The following WRAP53 variants were observed in gnomAD, a reference collection of about 807,000 sequenced individuals.
WRAP53 encodes the protein WD repeat containing antisense to TP53, also known as telomerase Cajal body protein 1.
A neutral mutation model predicts 56.6 loss-of-function variants in WRAP53; 28 were observed. The ratio of observed to expected loss-of-function variants is 0.50; its 90% CI spans 0.37 to 0.68. WRAP53 has a LOEUF of 0.68. Among genes scored for constraint, WRAP53 ranks in the 30% least tolerant of loss-of-function variants. The probability of loss-of-function intolerance (pLI) is 0.00; values close to 1 mark genes in which losing one functional copy is unlikely to be tolerated. For missense variants in WRAP53, 671 were observed against 715.5 expected, an observed-to-expected ratio of 0.94 and a Z score of 0.71; for synonymous variants, 283 against 283.4, an observed-to-expected ratio of 1.00 and a Z score of 0.01.
intron 5 of WRAP53, 81 bp downstream of exon 5, chr17:7,700,910 G>A: frequency 9.3e-7 from 1 of 1,070,270 alleles, no homozygotes; most frequent in Admixed American, 1.7e-5. Flanking sequence ...AGGGCTGCCA[G>A]GGGTCTTTGG....
intron 4 of WRAP53, among the ~76,000 whole-genome samples, chr17:7,695,443 C>T (rs79784734): frequency 0.018 from 2,768 of 152,248 alleles, 155 homozygotes; most frequent in Admixed American, 0.1. Flanking sequence ...TGAGTACTTG[C>T]CCTGCCCCGT....
chr17:7,700,720 C>A, intron 4 of WRAP53, 21 bp from the exon 5 acceptor site: 9 of 1,586,400 alleles, frequency 5.7e-6, no homozygotes. Context: ...GTGACTCAGC[C>A]ATTCCCCCGT....
chr17:7,691,142 G>A (rs1328503700), intron 4 of WRAP53, among the ~76,000 whole-genome samples: 1 of 151,764 alleles, frequency 6.6e-6, no homozygotes, highest in Non-Finnish European at 1.5e-5. Flanking sequence ...CCAGGAGATG[G>A]AGGTTGCAGT....
chr17:7,702,111 C>G lies in WRAP53; in HGVS notation c.956-233C>G. ...TCCTGTAGGCCTTCAACTTGCATCTCTCCAAGGAAGAACTGGGATTTGAGA... is the reference window on the plus strand; with the variant it reads ...TCCTGTAGGCCTTCAACTTGCATCTGTCCAAGGAAGAACTGGGATTTGAGA... On this transcript the variant is annotated intron_variant, in intron 7 of 10. Transcript: ENST00000396463. This position sits in a 1 kb window ranked among gnomAD's most constrained non-coding sequence, Gnocchi z 5.0. 1 of 697,738 alleles carries G rather than the reference C, an allele frequency of 1.4e-6. No individual in the cohort carries two copies. Among genetic ancestry groups the G allele is most frequent in the Non-Finnish European group, 2.5e-6 (1 of 395,316 alleles). The allele number at this position is 697,738 out of a possible 1,614,324, so 43.2% of individuals were successfully genotyped here.
intron 4 of WRAP53, among the ~76,000 whole-genome samples, chr17:7,699,438 AT>A (rs1203937421): frequency 2.3e-5 from 2 of 85,192 alleles, no homozygotes; most frequent in African/African-American, 1.2e-4. Flanking sequence ...AAAAAAAAAA[AT>A]TTATATATAT....
At chr17:7,687,238 CT>C (rs2074017007), upstream of WRAP53, 1 of 397,918 alleles carries the variant, frequency 2.5e-6, no homozygotes, top group African/African-American at 2.1e-5. Flanking sequence ...TCTAGCCAAG[CT>C]TCCATCCCAC....
rs575423577 is a variant in WRAP53 at position 7,695,457 on chromosome 17, T to C, written c.643-5284T>C. Among the ~76,000 whole-genome samples, 47 of 152,200 alleles carry C rather than the reference T, an allele frequency of 3.1e-4. No homozygotes were observed. In the South Asian group the frequency reaches 8.7e-3, roughly 28 times the overall value. On this transcript the variant is annotated intron_variant, in intron 4 of 10. Transcript: ENST00000396463. ...CTGAGTACTTGCCCTGCCCCGTGGG[T>C]CTTGCAGGAAGCCTTTACTCCTCGT...
Position 7,701,685 on chromosome 17 carries a change from G to A in WRAP53, c.851G>A (p.Cys284Tyr). 1 of 1,614,230 alleles carries A rather than the reference G, an allele frequency of 6.2e-7. No homozygotes were observed. The highest frequency in any genetic ancestry group is 1.1e-5 in the South Asian group (1 of 91,082). ...GAGCTGACGGCAGCCCATTCGCTCTGCTTCTCCCCGGATGGCTCCCAGCTC... is the reference window on the plus strand; with the variant it reads ...GAGCTGACGGCAGCCCATTCGCTCTACTTCTCCCCGGATGGCTCCCAGCTC... ...LDELTAAHSLCFSPDGSQLFC... is the reference protein window; with the variant it reads ...LDELTAAHSLYFSPDGSQLFC... The change falls in exon 7 of 11, where the codon TGC (cysteine) becomes TAC (tyrosine). Residue 284 changes from cysteine to tyrosine, a missense_variant. By Grantham distance (194) the Cys-to-Tyr change is radical. Around this residue, in one of 3 missense-constraint regions of WRAP53, gnomAD observed 406 missense variants for 418.5 expected, o/e 0.97. Coordinates refer to ENST00000396463, the MANE Select transcript of WRAP53 (RefSeq NM_001143992.2). The surrounding 1 kb of genome is among the most constrained non-coding windows in gnomAD (Gnocchi z 4.2).
rs1006575779 is a variant in WRAP53 at position 7,702,265 on chromosome 17, C to T, written c.956-79C>T. 105 of 1,487,608 alleles carry T rather than the reference C, an allele frequency of 7.1e-5. No homozygotes were observed. Among genetic ancestry groups the T allele is most frequent in the African/African-American group, 2.2e-4 (16 of 72,262 alleles). 92.2% of individuals were successfully genotyped at this position (1,487,608 alleles called of 1,614,324 possible). A position where few individuals can be genotyped will look rare whatever the true frequency, so the allele number is the denominator to read the frequency against. On this transcript the variant is annotated intron_variant, in intron 7 of 10. Coordinates refer to ENST00000396463, the MANE Select transcript of WRAP53 (RefSeq NM_001143992.2). The surrounding 1 kb of genome is among the most constrained non-coding windows in gnomAD (Gnocchi z 5.0). Reference sequence around the variant, plus strand: ...GAGTCCAAGCATGTTGGTGCTGGGACGGGAGACAGACCTCTGCTTAGCCTG... The same window carrying T: ...GAGTCCAAGCATGTTGGTGCTGGGATGGGAGACAGACCTCTGCTTAGCCTG...
In WRAP53 at chr17:7,689,638, G is replaced by A; in HGVS notation, c.579G>A (p.Leu193=). The change falls in exon 4 of 11, where the codon TTG becomes TTA. Residue 193 remains leucine (L), a synonymous_variant. Transcript: ENST00000396463. ...TGACCAATAGTGCTGATAACATCTTGCGAATTTATAACCTGCCCCCAGAGC... is the reference window on the plus strand; with the variant it reads ...TGACCAATAGTGCTGATAACATCTTACGAATTTATAACCTGCCCCCAGAGC... ...CILTNSADNI[L]RIYNLPPELY... 6.2e-7 allele frequency: 1 copy of A among 1,614,092 alleles called. No homozygotes were observed. The highest frequency in any genetic ancestry group is 8.5e-7 in the Non-Finnish European group (1 of 1,180,014).
upstream of WRAP53, chr17:7,687,253 C>T (rs1468887691): frequency 2.5e-6 from 1 of 398,266 alleles, no homozygotes; most frequent in East Asian, 3.6e-5. Flanking sequence ...ATCCCACTCA[C>T]CCCCAAACTC....
chr17:7,700,025 G>A (rs1247993658), intron 4 of WRAP53, among the ~76,000 whole-genome samples: 5 of 151,688 alleles, frequency 3.3e-5, no homozygotes. Context: ...GAGCCACTGT[G>A]CTCAGCCGAT....
chr17:7,703,395 G>A lies in WRAP53; in HGVS notation c.1556G>A (p.Cys519Tyr), dbSNP rs751494826. Residue 519 changes from cysteine to tyrosine, a missense_variant, in exon 11 of 11, where the codon TGT becomes TAT. Cys to Tyr is a radical substitution (Grantham distance 194). This residue lies in a region of WRAP53 where 107 missense variants were observed against 81.3 expected (regional missense o/e 1.32). Coordinates refer to ENST00000396463, the MANE Select transcript of WRAP53 (RefSeq NM_001143992.2). ...HLECRLQLWW[C>Y]GGAPDSSIPD... ...GAATGTCGGCTTCAGCTCTGGTGGT[G>A]TGGGGGGGCGCCAGACTCCAGCATC... is the stretch of plus-strand genomic sequence containing the variant. The A allele has an allele frequency of 5.6e-6, 9 of 1,613,654 alleles. No homozygotes were observed.
In WRAP53 at chr17:7,701,519, C is replaced by G. The variant is rs143017192; in HGVS notation, c.792C>G (p.Leu264=). 51 of 1,614,130 alleles carry G rather than the reference C, an allele frequency of 3.2e-5. No homozygotes were observed. The highest frequency in any genetic ancestry group is 6.7e-5 in the Admixed American group (4 of 60,008). ...IHIWDAFTGE[L]RASFRAYNHL... ...TCTGGGACGCATTCACTGGAGAGCTCCGGGCTTCCTTTCGCGCCTACAACC... is the reference window on the plus strand; with the variant it reads ...TCTGGGACGCATTCACTGGAGAGCTGCGGGCTTCCTTTCGCGCCTACAACC... Residue 264 remains leucine (L), a synonymous_variant, in exon 6 of 11, where the codon CTC becomes CTG. Coordinates refer to ENST00000396463, the MANE Select transcript of WRAP53 (RefSeq NM_001143992.2). The surrounding 1 kb of genome is among the most constrained non-coding windows in gnomAD (Gnocchi z 4.2).
In WRAP53 at chr17:7,702,663, A is replaced by AG; in HGVS notation, c.1165-78dup. On this transcript the variant is annotated intron_variant, in intron 8 of 10. Transcript: ENST00000396463. The surrounding 1 kb of genome is among the most constrained non-coding windows in gnomAD (Gnocchi z 5.0). Reference sequence around the variant, plus strand: ...GGATGGGGAAAAAATCCCAAGCTGAAGGAGTGCCTGGAGACCCCGAGGGAG... The same window carrying AG: ...GGATGGGGAAAAAATCCCAAGCTGAAGGGAGTGCCTGGAGACCCCGAGGGAG... 6.3e-7 allele frequency: 1 copy of AG among 1,598,534 alleles called. No individual in the cohort carries two copies. The highest frequency in any genetic ancestry group is 8.5e-7 in the Non-Finnish European group (1 of 1,174,134).
Position 7,689,671 on chromosome 17 carries a change from T to C in WRAP53, c.612T>C (p.His204=). 6.2e-7 allele frequency: 1 copy of C among 1,614,112 alleles called. No individual in the cohort carries two copies. The highest frequency in any genetic ancestry group is 2.2e-5 in the East Asian group (1 of 44,888). ...ATAACCTGCCCCCAGAGCTGTACCA[T>C]GAGGGGGAGCAGGTGGAATATGCAG... ...RIYNLPPELY[H]EGEQVEYAEM... The change falls in exon 4 of 11, where the codon CAT becomes CAC. Residue 204 remains histidine, a synonymous_variant. Transcript: ENST00000396463.
At chr17:7,687,647 G>C, upstream of WRAP53, 1 of 398,782 alleles carries the variant, frequency 2.5e-6, no homozygotes. Flanking sequence ...AATGGAGTTG[G>C]GGAGGAGGGT....
intron 3 of WRAP53, 111 bp from the exon 4 acceptor site, chr17:7,689,479 C>T: frequency 7.8e-7 from 1 of 1,287,948 alleles, no homozygotes; most frequent in Non-Finnish European, 1.1e-6. Context: ...GTGTCTTCTA[C>T]TTCCCTCAAG....
chr17:7,701,551 T>C lies in WRAP53; in HGVS notation c.822+2T>C. 1 of 1,614,212 alleles carries C rather than the reference T, an allele frequency of 6.2e-7. No individual in the cohort carries two copies. Among genetic ancestry groups the C allele is most frequent in the Non-Finnish European group, 8.5e-7 (1 of 1,180,036 alleles). The stretch of plus-strand genomic sequence containing the variant: ...TCCTTTCGCGCCTACAACCACCTGG[T>C]AGGGACCGCCATACTCAGCCCCAGC... On this transcript the variant is annotated splice_donor_variant, in intron 6 of 10. Coordinates refer to ENST00000396463, the MANE Select transcript of WRAP53 (RefSeq NM_001143992.2). LOFTEE classifies it high-confidence loss of function. The surrounding 1 kb of genome is among the most constrained non-coding windows in gnomAD (Gnocchi z 4.2).
Sources: gnomAD v4.1 joint callset for allele counts (sites outside exome capture counted in the v4.1 genomes callset) on GRCh38, gnomAD v4.1.1 for gene constraint, gnomAD v4.1.1 regional missense constraint, Gnocchi (gnomAD v3.1) non-coding constraint, MANE v1.5 for transcripts, NCBI Gene and HGNC (gene_info 2026-07-23, HGNC 2026-07-21) for gene names.